Variants in HMCN1 observed in about 807,000 individuals in gnomAD.
HMCN1 encodes hemicentin-1.
A neutral mutation model predicts 625.9 loss-of-function variants in HMCN1; 321 were observed. The observed-to-expected ratio is 0.51, with a 90% CI of 0.47 to 0.56. The LOEUF (loss-of-function observed/expected upper bound fraction) is 0.56, where lower values mean the gene tolerates loss of function less well. Among genes scored for constraint, HMCN1 ranks in the 20% least tolerant of loss-of-function variants. The pLI is 0.00. For missense variants in HMCN1, 6,588 were observed against 6,887.3 expected (o/e 0.96, Z 1.54); for synonymous variants, 2,425 against 2,417.6 (o/e 1.00, Z -0.09).
chr1:186,059,613 A>C (rs2102301192), intron 46 of HMCN1, among the ~76,000 whole-genome samples: 1 of 152,194 alleles, frequency 6.6e-6, no homozygotes. Flanking sequence ...ATGAGAATCG[A>C]ATGGCATATG....
At position 186,041,060 on chromosome 1, in the gene HMCN1, C is replaced by A; in HGVS notation, c.6228C>A (p.Ser2076Arg). The A allele has an allele frequency of 2.5e-6, 4 of 1,612,662 alleles. No individual in the cohort carries two copies. Among genetic ancestry groups the A allele is most frequent in the Non-Finnish European group, 3.4e-6 (4 of 1,179,026 alleles). The change falls in exon 40 of 107, where the codon AGC becomes AGA. Residue 2076 changes from serine to arginine, a missense_variant. Ser to Arg is a moderately radical substitution (Grantham distance 110). Around this residue, in one of 3 missense-constraint regions of HMCN1, gnomAD observed 4,628 missense variants for 4,853.1 expected, o/e 0.95. Transcript: ENST00000271588. ...TAGCATTGACCAGTGCACAAATCAG[C>A]GACACAGGAAGGTACACCTGCGTGG... ...RILALTSAQI[S>R]DTGRYTCVAV...
Position 185,928,607 on chromosome 1 carries a change from G to T in HMCN1, c.1492G>T (p.Glu498Ter). 6.2e-7 allele frequency: 1 copy of T among 1,613,298 alleles called. No individual in the cohort carries two copies. The highest frequency in any genetic ancestry group is 8.5e-7 in the Non-Finnish European group (1 of 1,179,328). ...CACTTTGTCTGACGAAGGTTTCTAT[G>T]AATGCATTGCTGTCAGCAGTGCAGG... ...KVTLSDEGFY[E>*]CIAVSSAGTG... is the part of the protein sequence containing the mutation. The change falls in exon 10 of 107, where the codon GAA (glutamate) becomes TAA (stop). Residue 498 changes from glutamate (E) to a stop codon, truncating the protein, a stop_gained. Coordinates refer to ENST00000271588, the MANE Select transcript of HMCN1 (RefSeq NM_031935.3). LOFTEE classifies it high-confidence loss of function.
At chr1:185,988,378 A>G (rs1370064281) in intron 20 of HMCN1, among the ~76,000 whole-genome samples, 2 of 152,250 alleles carry the variant, frequency 1.3e-5, no homozygotes, top group Admixed American at 1.3e-4. Context: ...GCAAATACAA[A>G]GTAATGACAT....
At chr1:186,132,081 T>A (rs1661968752) in intron 85 of HMCN1, among the ~76,000 whole-genome samples, 1 of 152,154 alleles carries the variant, frequency 6.6e-6, no homozygotes, top group African/African-American at 2.4e-5. Flanking sequence ...TTCCTGGAGA[T>A]CAATGATAGG....
chr1:186,156,263 A>AAAAT (rs1419329370), intron 97 of HMCN1, among the ~76,000 whole-genome samples: 2 of 152,190 alleles, frequency 1.3e-5, no homozygotes, highest in African/African-American at 4.8e-5. Context: ...ATGAGAAGGT[A>AAAAT]AAATATGCAC....
intron 4 of HMCN1, among the ~76,000 whole-genome samples, chr1:185,905,722 T>G (rs1334127983): frequency 1.3e-5 from 2 of 151,880 alleles, no homozygotes; most frequent in Non-Finnish European, 2.9e-5. Context: ...TATGGACTAT[T>G]TTTAAGCATT....
chr1:186,048,926 T>C lies in HMCN1; in HGVS notation c.6577+87T>C, dbSNP rs939542046. 3 of 791,964 alleles carry C rather than the reference T, an allele frequency of 3.8e-6. No homozygotes were observed. The African/African-American group carries it at 5.1e-5, about 13-fold the overall frequency. 49.1% of individuals were successfully genotyped at this position (791,964 alleles called of 1,614,324 possible). On this transcript the variant is annotated intron_variant, in intron 42 of 106. Transcript: ENST00000271588. ...TGACATTCATCCATGTAACTAAAAC[T>C]GATTATAATAGGTAGATGAACAACA...
At chr1:185,802,246 A>G (rs1457599469) in intron 1 of HMCN1, among the ~76,000 whole-genome samples, 1 of 152,166 alleles carries the variant, frequency 6.6e-6, no homozygotes, top group African/African-American at 2.4e-5. Flanking sequence ...AGACATGGGA[A>G]CCAGTAGAAA....
chr1:186,132,736 G>A (rs1662010540), intron 86 of HMCN1, among the ~76,000 whole-genome samples: 1 of 151,712 alleles, frequency 6.6e-6, no homozygotes, highest in South Asian at 2.1e-4. Context: ...CCATGTTGGT[G>A]TGCTGCACCC....
intron 1 of HMCN1, among the ~76,000 whole-genome samples, chr1:185,806,083 A>T (rs944982385): frequency 1.3e-5 from 2 of 150,024 alleles, no homozygotes; most frequent in African/African-American, 5.0e-5. Flanking sequence ...AATAATAATA[A>T]TATAATAATA....
At chr1:186,158,389 C>T (rs1174162046) in intron 97 of HMCN1, among the ~76,000 whole-genome samples, 2 of 151,968 alleles carry the variant, frequency 1.3e-5, no homozygotes, top group African/African-American at 4.8e-5. Context: ...CTGTAGGTTG[C>T]CTGTTCACTC....
intron 6 of HMCN1, among the ~76,000 whole-genome samples, chr1:185,917,681 T>C (rs1666788337): frequency 6.6e-6 from 1 of 152,178 alleles, no homozygotes; most frequent in Admixed American, 6.5e-5. Context: ...TGAGTGACAT[T>C]CTGTGGGTGA....
At chr1:186,056,858 A>G (rs1657361270) in intron 45 of HMCN1, among the ~76,000 whole-genome samples, 1 of 151,922 alleles carries the variant, frequency 6.6e-6, no homozygotes, top group Non-Finnish European at 1.5e-5. Flanking sequence ...GAATATACCC[A>G]TGTAACAAAC....
intron 9 of HMCN1, among the ~76,000 whole-genome samples, chr1:185,927,777 T>A (rs1243104960): frequency 6.6e-6 from 1 of 152,080 alleles, no homozygotes; most frequent in East Asian, 1.9e-4. Context: ...GGAGAAAAAA[T>A]TATGAAAACA....
chr1:186,167,018 A>G, intron 100 of HMCN1, 76 bp downstream of exon 100: 1 of 1,572,972 alleles, frequency 6.4e-7, no homozygotes, highest in East Asian at 2.2e-5. Context: ...TCAAAAGTTA[A>G]CTGTCTCAGA....
intron 45 of HMCN1, among the ~76,000 whole-genome samples, chr1:186,056,711 A>C (rs1657344134): frequency 6.6e-6 from 1 of 151,942 alleles, no homozygotes. Context: ...TCAAAGACAT[A>C]AAGATGGCAA....
chr1:185,780,647 C>T (rs973489740), intron 1 of HMCN1, among the ~76,000 whole-genome samples: 2 of 152,018 alleles, frequency 1.3e-5, no homozygotes, highest in Admixed American at 6.5e-5. Context: ...TGCTGGATTA[C>T]GTTTATTTAT....
intron 1 of HMCN1, among the ~76,000 whole-genome samples, chr1:185,844,712 A>C (rs1238903768): frequency 6.6e-6 from 1 of 152,228 alleles, no homozygotes; most frequent in African/African-American, 2.4e-5. Flanking sequence ...TGATATATCT[A>C]AGCACATGGT....
chr1:185,968,275 A>G (rs962423815), intron 14 of HMCN1, among the ~76,000 whole-genome samples: 1 of 152,168 alleles, frequency 6.6e-6, no homozygotes, highest in African/African-American at 2.4e-5. Context: ...AGAAGCAAAT[A>G]TGAGCATTCA....
Sources: allele counts gnomAD v4.1 joint callset (sites outside exome capture counted in the v4.1 genomes callset), GRCh38; gene constraint gnomAD v4.1.1; regional missense constraint gnomAD v4.1.1; transcripts MANE v1.5; gene names NCBI Gene and HGNC (gene_info 2026-07-23, HGNC 2026-07-21).